Variants in RIPK4 observed in about 807,000 individuals in gnomAD.
RIPK4 encodes the protein receptor-interacting serine/threonine-protein kinase 4.
A neutral mutation model predicts 42.9 loss-of-function variants in RIPK4; 17 were observed. The ratio of observed to expected loss-of-function variants is 0.40; its 90% CI spans 0.27 to 0.59. The LOEUF is 0.59. RIPK4 is among the 20% of genes least tolerant of loss of function. The pLI, the probability that RIPK4 is intolerant of heterozygous loss-of-function variation, is 0.47. For missense variants in RIPK4, 897 were observed against 1,104.4 expected (o/e 0.81, Z 2.66); for synonymous variants, 498 against 499.1 (o/e 1.00, Z 0.03).
intron 1 of RIPK4, among the ~76,000 whole-genome samples, chr21:41,762,750 G>C (rs1845175694): frequency 6.6e-6 from 1 of 151,148 alleles, no homozygotes; most frequent in African/African-American, 2.4e-5. Flanking sequence ...GGCTTATTCT[G>C]ATGACCACAC....
chr21:41,742,182 C>T lies in RIPK4; in HGVS notation c.1196-185G>A, dbSNP rs767093597. 3.3e-5 allele frequency among the ~76,000 whole-genome samples: 5 copies of T among 152,186 alleles called. No homozygotes were observed. The highest frequency in any genetic ancestry group is 6.5e-5 in the Admixed American group (1 of 15,292). ...TTAAGGTCAGTCCTAGCGGGAGCCC[C>T]GGGGCAGGCTGGCGAATGTCTCCCA... is the stretch of plus-strand genomic sequence containing the variant. On this transcript the variant is annotated intron_variant, in intron 7 of 7. Coordinates refer to ENST00000332512, the MANE Select transcript of RIPK4 (RefSeq NM_020639.3). This position sits in a 1 kb window ranked among gnomAD's most constrained non-coding sequence, Gnocchi z 5.1.
At chr21:41,746,319 T>C in intron 5 of RIPK4, 2 of 598,138 alleles carry the variant, frequency 3.3e-6, no homozygotes, top group Non-Finnish European at 6.0e-6. Flanking sequence ...AGAGCATGGC[T>C]GCACCTGAAC....
intron 4 of RIPK4, among the ~76,000 whole-genome samples, chr21:41,747,382 G>C (rs2061175184): frequency 6.6e-6 from 1 of 152,154 alleles, no homozygotes; most frequent in African/African-American, 2.4e-5. Flanking sequence ...ATGGGCTCTA[G>C]CTTATTATTA....
chr21:41,752,434 T>C (rs1255048459), intron 2 of RIPK4, among the ~76,000 whole-genome samples: 2 of 151,540 alleles, frequency 1.3e-5, no homozygotes, highest in Non-Finnish European at 3.0e-5. Context: ...TGCAGGGAGG[T>C]AGGGGGGAAG....
At chr21:41,759,564 G>T (rs1471826352) in intron 1 of RIPK4, among the ~76,000 whole-genome samples, 1 of 152,154 alleles carries the variant, frequency 6.6e-6, no homozygotes, top group Non-Finnish European at 1.5e-5. Flanking sequence ...CCAGCGTCCA[G>T]CCCAAGTCCC....
At chr21:41,750,458 A>G (rs2061185240) in intron 3 of RIPK4, among the ~76,000 whole-genome samples, 1 of 152,236 alleles carries the variant, frequency 6.6e-6, no homozygotes, top group Non-Finnish European at 1.5e-5. Context: ...GGAAAGTACA[A>G]ACACACATGC....
intron 2 of RIPK4, among the ~76,000 whole-genome samples, chr21:41,753,676 C>G (rs540138190): frequency 6.6e-6 from 1 of 152,190 alleles, no homozygotes. Context: ...TCTGCATCTC[C>G]AAGAGCTGAG....
Position 41,742,185 on chromosome 21 carries a change from G to A in RIPK4, c.1196-188C>T, listed in dbSNP as rs2061156922. Among the ~76,000 whole-genome samples the A allele has an allele frequency of 6.6e-6, 1 of 152,138 alleles. No homozygotes were observed. Among genetic ancestry groups the A allele is most frequent in the Non-Finnish European group, 1.5e-5 (1 of 68,016 alleles). ...AGGTCAGTCCTAGCGGGAGCCCCGG[G>A]GCAGGCTGGCGAATGTCTCCCAGGT... is the stretch of plus-strand genomic sequence containing the variant. On this transcript the variant is annotated intron_variant, in intron 7 of 7. Transcript: ENST00000332512. This position sits in a 1 kb window ranked among gnomAD's most constrained non-coding sequence, Gnocchi z 5.1.
chr21:41,752,354 G>A (rs985667775), intron 2 of RIPK4, among the ~76,000 whole-genome samples: 1 of 152,222 alleles, frequency 6.6e-6, no homozygotes, highest in Admixed American at 6.5e-5. Context: ...TAGGGCTGCT[G>A]TCATCAGCAC....
In RIPK4 at chr21:41,741,882, G is replaced by T; in HGVS notation, c.1311C>A (p.Ser437Arg). Residue 437 changes from serine to arginine, a missense_variant, in exon 8 of 8, where the codon AGC becomes AGA. Transcript: ENST00000332512. ...CCGCCAGGTGCAGCAGGCTGGCACC[G>T]CTGTCCAGTGCCAGGTCCACGTCCT... ...QPQDVDLALD[S>R]GASLLHLAVE... The T allele has an allele frequency of 6.2e-7, 1 of 1,613,402 alleles. No individual in the cohort carries two copies.
chr21:41,742,219 G>C lies in RIPK4; in HGVS notation c.1196-222C>G, dbSNP rs528219659. Among the ~76,000 whole-genome samples the C allele has an allele frequency of 6.6e-6, 1 of 152,320 alleles. No homozygotes were observed. The highest frequency in any genetic ancestry group is 1.9e-4 in the East Asian group (1 of 5,176). ...GCGAATGTCTCCCAGGTGCTCGTTA[G>C]TCGGTTTGCAAAATAAAACCCGCTC... On this transcript the variant is annotated intron_variant, in intron 7 of 7. Coordinates refer to ENST00000332512, the MANE Select transcript of RIPK4 (RefSeq NM_020639.3). The surrounding 1 kb of genome is among the most constrained non-coding windows in gnomAD (Gnocchi z 5.1).
chr21:41,748,861 A>G (rs1163203911), intron 4 of RIPK4, among the ~76,000 whole-genome samples: 4 of 152,324 alleles, frequency 2.6e-5, no homozygotes, highest in Middle Eastern at 3.4e-3. Context: ...CTTGTTCAAC[A>G]CTGCCAGTGT....
chr21:41,749,193 C>T lies in RIPK4; in HGVS notation c.634G>A (p.Val212Ile), dbSNP rs149403548. The T allele has an allele frequency of 1.9e-5, 30 of 1,613,736 alleles. 1 individual carries two copies. The highest frequency in any genetic ancestry group is 1.2e-4 in the South Asian group (11 of 91,058). The change falls in exon 4 of 8, where the codon GTC (valine) becomes ATC (isoleucine). Residue 212 changes from valine to isoleucine, a missense_variant. Transcript: ENST00000332512. ...TTCTGTGTGAGCACGCCCCAGATGACGATCGCAAAGCTGGAAGAGAAACCA... is the reference window on the plus strand; with the variant it reads ...TTCTGTGTGAGCACGCCCCAGATGATGATCGCAAAGCTGGAAGAGAAACCA... Reference protein sequence around the residue: ...TKHDVYSFAIVIWGVLTQKKP... With the variant: ...TKHDVYSFAIIIWGVLTQKKP...
Position 41,745,796 on chromosome 21 carries a change from T to G in RIPK4, c.899A>C (p.Asp300Ala). The G allele has an allele frequency of 1.9e-6, 3 of 1,614,220 alleles. No individual in the cohort carries two copies. The highest frequency in any genetic ancestry group is 2.5e-6 in the Non-Finnish European group (3 of 1,180,020). Residue 300 changes from aspartate to alanine, a missense_variant, in exon 6 of 8, where the codon GAT (aspartate) becomes GCT (alanine). Coordinates refer to ENST00000332512, the MANE Select transcript of RIPK4 (RefSeq NM_020639.3). ...PDDEVKETAH[D>A]LDVKSPPEPR... ...CTCCGGGGGGCTTTTCACGTCCAGA[T>G]CATGAGCAGTTTCTTTCACTTCGTC...
At position 41,751,037 on chromosome 21, in the gene RIPK4, AAGCATTGAGGTTGAG is replaced by A; in HGVS notation, c.623+45_623+59del. 1 of 1,572,230 alleles carries A rather than the reference AAGCATTGAGGTTGAG, an allele frequency of 6.4e-7. No homozygotes were observed. Among genetic ancestry groups the A allele is most frequent in the East Asian group, 2.3e-5 (1 of 44,182 alleles). ...TCTGAAAGCTGCAGCTCAGGGCATGAAGCATTGAGGTTGAGAGCCCCTGGCACCCACAGGGGATGG... is the reference window on the plus strand; with the variant it reads ...TCTGAAAGCTGCAGCTCAGGGCATGAAGCCCCTGGCACCCACAGGGGATGG... On this transcript the variant is annotated intron_variant, in intron 3 of 7. Coordinates refer to ENST00000332512, the MANE Select transcript of RIPK4 (RefSeq NM_020639.3). This position sits in a 1 kb window ranked among gnomAD's most constrained non-coding sequence, Gnocchi z 4.5.
At chr21:41,757,653 T>C (rs867598986) in intron 1 of RIPK4, among the ~76,000 whole-genome samples, 1 of 151,624 alleles carries the variant, frequency 6.6e-6, no homozygotes, top group Non-Finnish European at 1.5e-5. Context: ...TGAAACAGCA[T>C]AGGTCCAAAG....
intron 1 of RIPK4, among the ~76,000 whole-genome samples, chr21:41,761,642 G>A (rs966948345): frequency 3.3e-5 from 5 of 152,200 alleles, no homozygotes; most frequent in Non-Finnish European, 7.3e-5. Context: ...CCAGCCATTC[G>A]CAAGGGTCAT....
intron 1 of RIPK4, among the ~76,000 whole-genome samples, chr21:41,763,269 C>T (rs577432973): frequency 1.3e-5 from 2 of 152,236 alleles, no homozygotes; most frequent in South Asian, 2.1e-4. Context: ...AAGTGTATTT[C>T]GCCCTCCCAG....
chr21:41,746,470 AC>A, intron 5 of RIPK4, 142 bp downstream of exon 5: 1 of 1,023,854 alleles, frequency 9.8e-7, no homozygotes, highest in Non-Finnish European at 1.4e-6. Flanking sequence ...GCTGGGTCCA[AC>A]CTATCTGTGC....
Sources: gnomAD v4.1 joint callset for allele counts (sites outside exome capture counted in the v4.1 genomes callset) on GRCh38, gnomAD v4.1.1 for gene constraint, Gnocchi (gnomAD v3.1) non-coding constraint, MANE v1.5 for transcripts, NCBI Gene and HGNC (gene_info 2026-07-23, HGNC 2026-07-21) for gene names.